Variants in KIAA1217 observed in about 807,000 individuals in gnomAD.
KIAA1217 encodes the protein KIAA1217.
Under a neutral mutation model 163.9 loss-of-function variants are expected in KIAA1217, and 88 were observed. That is an observed-to-expected ratio of 0.54 (90% CI 0.45 to 0.64). KIAA1217 has a LOEUF of 0.64. Ranked by LOEUF, KIAA1217 falls within the 30% of genes least tolerant of loss-of-function variation. The pLI is 0.00. For synonymous variants in KIAA1217, 903 were observed against 923.1 expected (o/e 0.98, Z 0.39); for missense variants, 2,372 against 2,475.0 (o/e 0.96, Z 0.88).
chr10:24,288,095 A>T (rs2078732755), intron 2 of KIAA1217, among the ~76,000 whole-genome samples: 1 of 152,184 alleles, frequency 6.6e-6, no homozygotes, highest in Non-Finnish European at 1.5e-5. Flanking sequence ...AGGATTTTTT[A>T]AAATGACATA....
At chr10:23,959,565 A>C (rs1844728506) in intron 1 of KIAA1217, among the ~76,000 whole-genome samples, 1 of 152,204 alleles carries the variant, frequency 6.6e-6, no homozygotes, top group African/African-American at 2.4e-5. Context: ...AGAGAAAAAC[A>C]CACACATTTA....
chr10:24,463,921 C>T (rs1564726615), intron 5 of KIAA1217, among the ~76,000 whole-genome samples: 2 of 152,144 alleles, frequency 1.3e-5, no homozygotes, highest in Non-Finnish European at 2.9e-5. Context: ...TGTAATGTCC[C>T]AAGGTAGAGA....
intron 2 of KIAA1217, among the ~76,000 whole-genome samples, chr10:24,034,543 A>G (rs1489964155): frequency 1.3e-5 from 2 of 149,668 alleles, no homozygotes; most frequent in East Asian, 3.9e-4. Flanking sequence ...AGCCTGGGCA[A>G]TAAGATGAGA....
chr10:23,708,101 AG>A (rs1033444206), intron 1 of KIAA1217, among the ~76,000 whole-genome samples: 13 of 152,298 alleles, frequency 8.5e-5, no homozygotes, highest in South Asian at 6.2e-4. Context: ...AGAAGACAAA[AG>A]GTACCTCTTA....
chr10:23,840,639 A>T (rs372849497), intron 1 of KIAA1217, among the ~76,000 whole-genome samples: 1 of 152,226 alleles, frequency 6.6e-6, no homozygotes. Flanking sequence ...TAAGAAAAAA[A>T]CATGATTGAA....
At chr10:24,045,972 G>T (rs1334514008) in intron 2 of KIAA1217, among the ~76,000 whole-genome samples, 1 of 152,128 alleles carries the variant, frequency 6.6e-6, no homozygotes, top group African/African-American at 2.4e-5. Flanking sequence ...AAGTGTATGT[G>T]TTGATATATG....
chr10:24,022,435 T>TA (rs1436168583), intron 2 of KIAA1217, among the ~76,000 whole-genome samples: 2 of 151,592 alleles, frequency 1.3e-5, no homozygotes, highest in Admixed American at 6.6e-5. Flanking sequence ...ATACCTAAAA[T>TA]AAAAAAATTT....
chr10:23,842,842 G>T lies in KIAA1217; in HGVS notation c.-321+147608G>T, dbSNP rs150583040. On this transcript the variant is annotated intron_variant, in intron 1 of 18. Transcript: ENST00000376462. Reference sequence around the variant, plus strand: ...AATAATTAGAATCTTCAGATCTACTGCAGGGAAGCACTCACCTGTCACAAC... The same window carrying T: ...AATAATTAGAATCTTCAGATCTACTTCAGGGAAGCACTCACCTGTCACAAC... Among the ~76,000 whole-genome samples, 674 of 152,204 alleles carry T rather than the reference G, an allele frequency of 4.4e-3. 3 individuals carry two copies. The highest frequency in any genetic ancestry group is 5.0e-3 in the Non-Finnish European group (339 of 68,012).
At chr10:24,397,986 A>T (rs1200304659) in intron 3 of KIAA1217, among the ~76,000 whole-genome samples, 2 of 152,150 alleles carry the variant, frequency 1.3e-5, no homozygotes, top group African/African-American at 4.8e-5. Flanking sequence ...CATTTCTGTA[A>T]ATACCTACCT....
At chr10:24,514,366 G>A (rs1232730508) in intron 10 of KIAA1217, among the ~76,000 whole-genome samples, 1 of 152,132 alleles carries the variant, frequency 6.6e-6, no homozygotes, top group East Asian at 1.9e-4. Context: ...GGAAAGCATT[G>A]TGCTCAGTCA....
rs371427498 is a variant in KIAA1217, at chr10:24,277,536, A to G, written c.354+57627A>G. Reference sequence around the variant, plus strand: ...CATAATCCCCACATGTTGTGGGAGGAACCTGGTGGGAGGTAATTGAATCAT... The same window carrying G: ...CATAATCCCCACATGTTGTGGGAGGGACCTGGTGGGAGGTAATTGAATCAT... On this transcript the variant is annotated intron_variant, in intron 2 of 20. Transcript: ENST00000376454. Among the ~76,000 whole-genome samples the G allele has an allele frequency of 1.2e-4, 19 of 152,306 alleles. 1 individual carries two copies. Among genetic ancestry groups the G allele is most frequent in the Admixed American group, 9.8e-4 (15 of 15,308 alleles).
At chr10:24,456,662 G>C (rs956305055) in intron 5 of KIAA1217, among the ~76,000 whole-genome samples, 1 of 151,870 alleles carries the variant, frequency 6.6e-6, no homozygotes, top group Admixed American at 6.6e-5. Flanking sequence ...CCTTCCTTGA[G>C]ATGATGGTGT....
At chr10:24,238,413 A>T (rs572217389) in intron 2 of KIAA1217, among the ~76,000 whole-genome samples, 1 of 152,302 alleles carries the variant, frequency 6.6e-6, no homozygotes, top group South Asian at 2.1e-4. Flanking sequence ...GAGAAGAAAG[A>T]GGGCTGGACT....
At position 24,526,717 on chromosome 10, in the gene KIAA1217, C is replaced by T. The variant is rs868307485; in HGVS notation, c.2899-1219C>T. On this transcript the variant is annotated intron_variant, in intron 13 of 20. Coordinates refer to ENST00000376454, the MANE Select transcript of KIAA1217 (RefSeq NM_019590.5). ...CTGAGCCTGTTATGTACCAGGCCCT[C>T]GTAGGCTCGGGGGAAAGCCAGTGAA... Among the ~76,000 whole-genome samples the T allele has an allele frequency of 4.6e-5, 7 of 152,212 alleles. No homozygotes were observed. In the East Asian group the frequency reaches 1.4e-3, roughly 29 times the overall value.
intron 1 of KIAA1217, among the ~76,000 whole-genome samples, chr10:23,882,698 G>A (rs1387854280): frequency 1.3e-5 from 2 of 151,840 alleles, no homozygotes; most frequent in Non-Finnish European, 2.9e-5. Context: ...CATCTTCTGG[G>A]AATTACTCTC....
chr10:23,782,275 A>G (rs1237185678), intron 1 of KIAA1217, among the ~76,000 whole-genome samples: 1 of 152,048 alleles, frequency 6.6e-6, no homozygotes, highest in Non-Finnish European at 1.5e-5. Flanking sequence ...TAGATCTTTT[A>G]TCTCCTCAGT....
At chr10:24,151,965 T>C (rs2064637331) in intron 2 of KIAA1217, among the ~76,000 whole-genome samples, 1 of 152,208 alleles carries the variant, frequency 6.6e-6, no homozygotes, top group Non-Finnish European at 1.5e-5. Context: ...AGTTTCATGT[T>C]TGAATATCCA....
intron 1 of KIAA1217, among the ~76,000 whole-genome samples, chr10:23,815,888 A>G (rs911614122): frequency 1.3e-5 from 2 of 152,210 alleles, no homozygotes; most frequent in Non-Finnish European, 2.9e-5. Flanking sequence ...TTTTTGCTGC[A>G]TAAGCAGGGC....
At position 24,390,556 on chromosome 10, in the gene KIAA1217, A is replaced by G. The variant is rs1412504497; in HGVS notation, c.553+9489A>G. On this transcript the variant is annotated intron_variant, in intron 3 of 20. Coordinates refer to ENST00000376454, the MANE Select transcript of KIAA1217 (RefSeq NM_019590.5). ...AAATTATGAGGAAATTTCAAAAGAA[A>G]GGGAGAAAGAGAGAGGGAGGGAGGG... Among the ~76,000 whole-genome samples, 2 of 40,490 alleles carry G rather than the reference A, an allele frequency of 4.9e-5. 1 individual carries two copies. Among genetic ancestry groups the G allele is most frequent in the Non-Finnish European group, 8.0e-5 (2 of 25,156 alleles). 26.6% of individuals were successfully genotyped at this position (40,490 alleles called of 152,430 possible). A position where few individuals can be genotyped will look rare whatever the true frequency, so the allele number is the denominator to read the frequency against.
Sources: gnomAD v4.1 joint callset for allele counts (sites outside exome capture counted in the v4.1 genomes callset) on GRCh38, gnomAD v4.1.1 for gene constraint, MANE v1.5 for transcripts, NCBI Gene and HGNC (gene_info 2026-07-23, HGNC 2026-07-21) for gene names.